The following VAT1L variants were observed in gnomAD, a reference collection of about 807,000 sequenced individuals.
VAT1L encodes putative NADPH-dependent quinone oxidoreductase VAT1L.
VAT1L carries 34 observed loss-of-function variants against 44.1 expected under a neutral mutation model. That is an observed-to-expected ratio of 0.77 (90% CI 0.59 to 1.03). The LOEUF is 1.03. Among genes scored for constraint, VAT1L ranks in the 50% least tolerant of loss-of-function variants. VAT1L has a pLI of 0.00. For synonymous variants in VAT1L, 253 were observed against 202.2 expected (o/e 1.25, Z -2.13); for missense variants, 615 against 538.8 (o/e 1.14, Z -1.40).
intron 7 of VAT1L, among the ~76,000 whole-genome samples, chr16:77,913,247 T>C (rs1193966243): frequency 6.6e-6 from 1 of 152,258 alleles, no homozygotes; most frequent in Admixed American, 6.5e-5. Context: ...TTTAAGTGTA[T>C]AGCACACTGT....
intron 7 of VAT1L, among the ~76,000 whole-genome samples, chr16:77,903,788 G>A (rs1457865864): frequency 1.4e-5 from 2 of 146,692 alleles, no homozygotes; most frequent in African/African-American, 5.1e-5. Context: ...CCAGGCTGGA[G>A]TGCAGTGGCG....
In VAT1L at chr16:77,933,121, A is replaced by G. The variant is rs556124661; in HGVS notation, c.1078-38729A>G. ...ACCTCAGGACCCTAAGTTCTTAGTC[A>G]TTCCAGTGTCAGAAGAAATTAATGT... On this transcript the variant is annotated intron_variant, in intron 7 of 8. Transcript: ENST00000302536. 5.3e-5 allele frequency among the ~76,000 whole-genome samples: 8 copies of G among 152,338 alleles called. No individual in the cohort carries two copies. The East Asian group carries it at 1.5e-3, about 29-fold the overall frequency.
chr16:77,806,005 G>A (rs2016151958), intron 1 of VAT1L, among the ~76,000 whole-genome samples: 1 of 151,360 alleles, frequency 6.6e-6, no homozygotes, highest in Non-Finnish European at 1.5e-5. Context: ...TGGGATTACA[G>A]GCGCCTGCCA....
At position 77,936,281 on chromosome 16, in the gene VAT1L, C is replaced by T. The variant is rs181655192; in HGVS notation, c.1078-35569C>T. Among the ~76,000 whole-genome samples the T allele has an allele frequency of 6.8e-4, 103 of 152,292 alleles. 1 individual carries two copies. The highest frequency in any genetic ancestry group is 5.4e-3 in the Admixed American group (82 of 15,298). ...GCTATATTTCTTCCTCACTTAAACC[C>T]TCTGGGACAATTTTCCACTTTAGAG... On this transcript the variant is annotated intron_variant, in intron 7 of 8. Transcript: ENST00000302536.
intron 7 of VAT1L, among the ~76,000 whole-genome samples, chr16:77,966,264 G>T (rs532939038): frequency 1.3e-5 from 2 of 152,292 alleles, no homozygotes; most frequent in East Asian, 3.9e-4. Flanking sequence ...AGGCTGATGT[G>T]TAACTTACAA....
chr16:77,927,654 G>A (rs2017685333), intron 7 of VAT1L, among the ~76,000 whole-genome samples: 1 of 151,966 alleles, frequency 6.6e-6, no homozygotes, highest in Non-Finnish European at 1.5e-5. Flanking sequence ...GAGGTGGGCG[G>A]ATCATGAGGT....
At chr16:77,910,673 C>CAA (rs3038773) in intron 7 of VAT1L, among the ~76,000 whole-genome samples, 9 of 82,944 alleles carry the variant, frequency 1.1e-4, no homozygotes, top group Admixed American at 2.8e-4. Flanking sequence ...GACTCCTTCT[C>CAA]AAAAAAAAAA....
In VAT1L at chr16:77,921,793, G is replaced by C. The variant is rs142102661; in HGVS notation, c.1077+36991G>C. 2.0e-5 allele frequency among the ~76,000 whole-genome samples: 3 copies of C among 152,166 alleles called. No individual in the cohort carries two copies. The East Asian group carries it at 5.8e-4, about 30-fold the overall frequency. ...GGATCTCACTCTGTTGGCCGGGCTG[G>C]AGTGCAGTGGCACAATGACAGCTCA... On this transcript the variant is annotated intron_variant, in intron 7 of 8. Coordinates refer to ENST00000302536, the MANE Select transcript of VAT1L (RefSeq NM_020927.3).
In VAT1L at chr16:77,825,431, T is replaced by C; in HGVS notation, c.549T>C (p.Ser183=). ...TTGCCAACCTCCGGGAAGGGATGTC[T>C]GTGCTCGTGCACTCAGCTGGTGGGG... ...FEVANLREGM[S]VLVHSAGGGV... Residue 183 remains serine (S), a synonymous_variant, in exon 3 of 9, where the codon TCT becomes TCC. Coordinates refer to ENST00000302536, the MANE Select transcript of VAT1L (RefSeq NM_020927.3). 6.2e-7 allele frequency: 1 copy of C among 1,603,168 alleles called. No individual in the cohort carries two copies. Among genetic ancestry groups the C allele is most frequent in the Non-Finnish European group, 8.5e-7 (1 of 1,174,142 alleles).
At chr16:77,865,458 G>T (rs2142445125) in intron 4 of VAT1L, among the ~76,000 whole-genome samples, 1 of 152,270 alleles carries the variant, frequency 6.6e-6, no homozygotes, top group Non-Finnish European at 1.5e-5. Context: ...CTGTGCCAGA[G>T]CCAGAGATCC....
intron 2 of VAT1L, among the ~76,000 whole-genome samples, chr16:77,817,279 G>A (rs1339207879): frequency 6.6e-6 from 1 of 152,102 alleles, no homozygotes; most frequent in Non-Finnish European, 1.5e-5. Flanking sequence ...GACAAATCTT[G>A]TCTCCCCCTT....
At chr16:77,863,407 C>T (rs868719239) in intron 4 of VAT1L, among the ~76,000 whole-genome samples, 7 of 152,358 alleles carry the variant, frequency 4.6e-5, no homozygotes, top group Middle Eastern at 3.4e-3. Flanking sequence ...CTGCTCAGGT[C>T]GTTGGCTACG....
intron 7 of VAT1L, among the ~76,000 whole-genome samples, chr16:77,933,484 A>C (rs1234813095): frequency 6.6e-6 from 1 of 152,280 alleles, no homozygotes. Flanking sequence ...CCTAGAATTT[A>C]AAACTGTATG....
At chr16:77,796,825 G>A (rs1224763817) in intron 1 of VAT1L, among the ~76,000 whole-genome samples, 1 of 152,182 alleles carries the variant, frequency 6.6e-6, no homozygotes, top group Non-Finnish European at 1.5e-5. Flanking sequence ...CATGTCTTTT[G>A]CAGCAACATA....
chr16:77,953,879 G>C (rs1210101635), intron 7 of VAT1L, among the ~76,000 whole-genome samples: 1 of 152,034 alleles, frequency 6.6e-6, no homozygotes, highest in Non-Finnish European at 1.5e-5. Flanking sequence ...TCCTTGAAAA[G>C]AAACAAGCCC....
intron 1 of VAT1L, among the ~76,000 whole-genome samples, chr16:77,804,168 A>G (rs1185461339): frequency 6.6e-6 from 1 of 152,190 alleles, no homozygotes; most frequent in African/African-American, 2.4e-5. Context: ...TAAATGTTCT[A>G]TGCAACCAGT....
At chr16:77,932,102 ATT>A (rs33928206) in intron 7 of VAT1L, among the ~76,000 whole-genome samples, 13 of 126,592 alleles carry the variant, frequency 1.0e-4, no homozygotes, top group African/African-American at 2.1e-4. Flanking sequence ...AAATACAGTA[ATT>A]TTTTTTTTTT....
rs558835008 is a variant in VAT1L, at chr16:77,935,346, G to A, written c.1078-36504G>A. ...GAAAATGAAATAAATTGGTAGTGCG[G>A]GTAAGAGAACTCATATTGTAGAGAA... is the stretch of plus-strand genomic sequence containing the variant. On this transcript the variant is annotated intron_variant, in intron 7 of 8. Coordinates refer to ENST00000302536, the MANE Select transcript of VAT1L (RefSeq NM_020927.3). 2.0e-5 allele frequency among the ~76,000 whole-genome samples: 3 copies of A among 152,146 alleles called. No individual in the cohort carries two copies. In the East Asian group the frequency reaches 5.8e-4, roughly 29 times the overall value.
At chr16:77,805,869 T>C (rs1304828339) in intron 1 of VAT1L, among the ~76,000 whole-genome samples, 1 of 126,206 alleles carries the variant, frequency 7.9e-6, no homozygotes, top group Non-Finnish European at 1.8e-5. Flanking sequence ...CTCTGCCTTT[T>C]TTTTTTTTTT....
Sources: allele counts gnomAD v4.1 joint callset (sites outside exome capture counted in the v4.1 genomes callset), GRCh38; gene constraint gnomAD v4.1.1; transcripts MANE v1.5; gene names NCBI Gene and HGNC (gene_info 2026-07-23, HGNC 2026-07-21).